DOCK3: variants seen among roughly 807,000 people sequenced by gnomAD.
DOCK3 encodes the protein dedicator of cytokinesis 3.
A neutral mutation model predicts 265.6 loss-of-function variants in DOCK3; 60 were observed. That is an observed-to-expected ratio of 0.23 (90% confidence interval 0.18 to 0.28). The LOEUF (loss-of-function observed/expected upper bound fraction) is 0.28, where lower values mean the gene tolerates loss of function less well. Among genes scored for constraint, DOCK3 ranks in the 10% least tolerant of loss-of-function variants. The pLI, the probability that DOCK3 is intolerant of heterozygous loss-of-function variation, is 1.00. For synonymous variants in DOCK3, 881 were observed against 938.0 expected (o/e 0.94, Z 1.11); for missense variants, 1,981 against 2,594.3 (o/e 0.76, Z 5.14).
At chr3:51,084,288 T>TAA (rs1447467621) in intron 7 of DOCK3, among the ~76,000 whole-genome samples, 1 of 152,086 alleles carries the variant, frequency 6.6e-6, no homozygotes, top group African/African-American at 2.4e-5. Context: ...TATATATATA[T>TAA]AATCAAACTA....
intron 3 of DOCK3, among the ~76,000 whole-genome samples, chr3:50,876,159 A>G (rs1020249488): frequency 6.6e-6 from 1 of 152,080 alleles, no homozygotes; most frequent in Non-Finnish European, 1.5e-5. Flanking sequence ...TTTTATCAGA[A>G]TTATTCATGT....
At chr3:50,921,841 G>A (rs1193787951) in intron 4 of DOCK3, among the ~76,000 whole-genome samples, 1 of 152,120 alleles carries the variant, frequency 6.6e-6, no homozygotes, top group Non-Finnish European at 1.5e-5. Flanking sequence ...TGTTTGCCTG[G>A]GTATCACCAG....
intron 12 of DOCK3, among the ~76,000 whole-genome samples, chr3:51,193,617 TTTTC>T (rs1251817275): frequency 6.6e-6 from 1 of 152,130 alleles, no homozygotes; most frequent in African/African-American, 2.4e-5. Context: ...TATTCAGGGT[TTTTC>T]TTTCTTTCCA....
At chr3:51,193,761 GTCT>G (rs1369934662) in intron 12 of DOCK3, among the ~76,000 whole-genome samples, 2 of 140,740 alleles carry the variant, frequency 1.4e-5, no homozygotes, top group African/African-American at 5.2e-5. Context: ...CAGTTGTAAT[GTCT>G]TCTTTGTTTT....
intron 1 of DOCK3, among the ~76,000 whole-genome samples, chr3:50,691,198 G>C (rs973044455): frequency 2.6e-5 from 4 of 151,382 alleles, no homozygotes; most frequent in African/African-American, 9.7e-5. Context: ...GCAGGAGAAT[G>C]GAATGAAACC....
chr3:50,738,109 C>T (rs1207074918), intron 1 of DOCK3, among the ~76,000 whole-genome samples: 1 of 152,166 alleles, frequency 6.6e-6, no homozygotes, highest in Non-Finnish European at 1.5e-5. Flanking sequence ...GTTCTGCAGG[C>T]AGGCTTGATG....
rs879894183 is a variant in DOCK3 at position 51,361,800 on chromosome 3, T to C, written c.5007-59T>C. ...GACTATTCCACACATTCCGCTCTAC[T>C]GTCCCCCTGCCACCTGCCATGGGCC... On this transcript the variant is annotated intron_variant, in intron 47 of 52. Coordinates refer to ENST00000266037, the MANE Select transcript of DOCK3 (RefSeq NM_004947.5). The surrounding 1 kb of genome is among the most constrained non-coding windows in gnomAD (Gnocchi z 4.2). 8.2e-6 allele frequency: 13 copies of C among 1,579,396 alleles called. No individual in the cohort carries two copies. In the Admixed American group the frequency reaches 2.3e-4, roughly 28 times the overall value.
At chr3:50,876,531 C>T (rs1325877934) in intron 3 of DOCK3, among the ~76,000 whole-genome samples, 1 of 152,004 alleles carries the variant, frequency 6.6e-6, no homozygotes, top group Non-Finnish European at 1.5e-5. Context: ...TGGCAAACCA[C>T]AGTAAAATAT....
At chr3:51,244,599 T>C (rs2078743953) in intron 21 of DOCK3, among the ~76,000 whole-genome samples, 1 of 152,218 alleles carries the variant, frequency 6.6e-6, no homozygotes, top group Non-Finnish European at 1.5e-5. Context: ...TTTAGGGTTT[T>C]CTACATATAA....
intron 12 of DOCK3, among the ~76,000 whole-genome samples, chr3:51,185,599 G>A (rs551100982): frequency 1.3e-5 from 2 of 152,190 alleles, no homozygotes; most frequent in Admixed American, 1.3e-4. Context: ...TCTCTCTCAG[G>A]GTAACTGATA....
At chr3:51,345,614 C>A (rs1201615078) in intron 38 of DOCK3, among the ~76,000 whole-genome samples, 1 of 149,334 alleles carries the variant, frequency 6.7e-6, no homozygotes, top group African/African-American at 2.5e-5. Flanking sequence ...AGAGCAAGAC[C>A]TTGTTTCCAA....
chr3:50,779,494 C>T (rs769893198), intron 2 of DOCK3, among the ~76,000 whole-genome samples: 7 of 152,162 alleles, frequency 4.6e-5, no homozygotes, highest in African/African-American at 1.7e-4. Flanking sequence ...AGTAATTCCC[C>T]TGCCTCAGCC....
chr3:51,048,174 T>C (rs1289690556), intron 5 of DOCK3, among the ~76,000 whole-genome samples: 2 of 97,588 alleles, frequency 2.0e-5, no homozygotes, highest in Admixed American at 1.2e-4. Flanking sequence ...AAATCCAGCA[T>C]CCTTTCATGA....
intron 9 of DOCK3, among the ~76,000 whole-genome samples, chr3:51,138,663 G>C (rs573788017): frequency 6.6e-6 from 1 of 152,192 alleles, no homozygotes; most frequent in Non-Finnish European, 1.5e-5. Context: ...GCTATGGGCA[G>C]CTCCAAAAAG....
intron 50 of DOCK3, among the ~76,000 whole-genome samples, chr3:51,375,200 C>T (rs2088008595): frequency 6.6e-6 from 1 of 152,224 alleles, no homozygotes; most frequent in African/African-American, 2.4e-5. Context: ...TACCTAGCCT[C>T]AGAATGCCAG....
intron 4 of DOCK3, among the ~76,000 whole-genome samples, chr3:50,932,332 C>A (rs1008083808): frequency 6.6e-6 from 1 of 151,938 alleles, no homozygotes; most frequent in Non-Finnish European, 1.5e-5. Flanking sequence ...TGTCAGCTGT[C>A]TTCTTGTGGA....
rs1347722548 is a variant in DOCK3, at chr3:50,933,965, G to A, written c.219-16G>A. On this transcript the variant is annotated splice_polypyrimidine_tract_variant and intron_variant, in intron 4 of 52. Transcript: ENST00000266037. ...TTCAGAGATAATGTGGCTGTCTTTT[G>A]TGGCTCTGGTTCTAGGCAGTATGAA... The A allele has an allele frequency of 6.5e-7, 1 of 1,530,848 alleles. No individual in the cohort carries two copies. The highest frequency in any genetic ancestry group is 8.9e-7 in the Non-Finnish European group (1 of 1,128,280). The allele number at this position is 1,530,848 out of a possible 1,614,324, so 94.8% of individuals were successfully genotyped here. A position where few individuals can be genotyped will look rare whatever the true frequency, so the allele number is the denominator to read the frequency against.
At chr3:50,914,366 G>A (rs2050013395) in intron 4 of DOCK3, among the ~76,000 whole-genome samples, 1 of 151,782 alleles carries the variant, frequency 6.6e-6, no homozygotes, top group South Asian at 2.1e-4. Flanking sequence ...TACCACTTTT[G>A]CTGTATCCAT....
intron 5 of DOCK3, among the ~76,000 whole-genome samples, chr3:50,977,409 G>A (rs1481610372): frequency 1.3e-5 from 2 of 151,984 alleles, no homozygotes; most frequent in African/African-American, 4.8e-5. Context: ...ATGAAGCTTA[G>A]TTTGGCTGGA....
Sources: allele counts gnomAD v4.1 joint callset (sites outside exome capture counted in the v4.1 genomes callset), GRCh38; gene constraint gnomAD v4.1.1; non-coding constraint Gnocchi (gnomAD v3.1); transcripts MANE v1.5; gene names NCBI Gene and HGNC (gene_info 2026-07-23, HGNC 2026-07-21).